NEO1: variants seen among roughly 807,000 people sequenced by gnomAD.
NEO1 encodes neogenin 1.
A neutral mutation model predicts 159.7 loss-of-function variants in NEO1; 63 were observed. That is an observed-to-expected ratio of 0.39 (90% CI 0.32 to 0.49). The LOEUF (loss-of-function observed/expected upper bound fraction) is 0.49. Among genes scored for constraint, NEO1 ranks in the 20% least tolerant of loss-of-function variants. The probability of loss-of-function intolerance (pLI) is 0.85; values close to 1 mark genes in which losing one functional copy is unlikely to be tolerated. For synonymous variants in NEO1, 633 were observed against 662.0 expected (o/e 0.96, Z 0.67); for missense variants, 1,615 against 1,831.0 (o/e 0.88, Z 2.15).
rs1464609341 is a variant in NEO1, at chr15:73,208,098, A to G, written c.1292-28249A>G. Among the ~76,000 whole-genome samples, 4 of 152,370 alleles carry G rather than the reference A, an allele frequency of 2.6e-5. No homozygotes were observed. In the East Asian group the frequency reaches 7.7e-4, roughly 29 times the overall value. On this transcript the variant is annotated intron_variant, in intron 7 of 28. Transcript: ENST00000261908. ...TAAATAAAATGGATTACAATATGGA[A>G]GGTGATTCCCAAATTAAAAGTAGGC...
Position 73,106,734 on chromosome 15 carries a change from C to T in NEO1, c.131-9806C>T, listed in dbSNP as rs116468291. On this transcript the variant is annotated intron_variant, in intron 1 of 28. Coordinates refer to ENST00000261908, the MANE Select transcript of NEO1 (RefSeq NM_002499.4). ...TCATTCTCTTTGTGGTGTAGTTTTC[C>T]CATTGTAAAATGGGGATAATAATAG... Among the ~76,000 whole-genome samples, 791 of 152,140 alleles carry T rather than the reference C, an allele frequency of 5.2e-3. 10 individuals are homozygous for T. Among genetic ancestry groups the T allele is most frequent in the African/African-American group, 0.018 (762 of 41,480 alleles).
chr15:73,176,525 A>G lies in NEO1; in HGVS notation c.1138A>G (p.Met380Val). ...TGTGAAGTGGGTCAAAAATGGGGATATGGTTATCCCAAGTGATTATTTTAA... is the reference window on the plus strand; with the variant it reads ...TGTGAAGTGGGTCAAAAATGGGGATGTGGTTATCCCAAGTGATTATTTTAA... Reference protein sequence around the residue: ...PTVKWVKNGDMVIPSDYFKIV... With the variant: ...PTVKWVKNGDVVIPSDYFKIV... The change falls in exon 6 of 29, where the codon ATG becomes GTG. Residue 380 changes from methionine to valine, a missense_variant. This residue lies in a region of NEO1 where 1,018 missense variants were observed against 1,115.4 expected (regional missense o/e 0.91). Transcript: ENST00000261908. The G allele has an allele frequency of 6.2e-7, 1 of 1,611,602 alleles. No individual in the cohort carries two copies. Among genetic ancestry groups the G allele is most frequent in the Non-Finnish European group, 8.5e-7 (1 of 1,178,858 alleles).
rs536721806 is a variant in NEO1, at chr15:73,175,600, A to G, written c.1016-803A>G. 2.0e-3 allele frequency among the ~76,000 whole-genome samples: 303 copies of G among 152,296 alleles called. 2 individuals are homozygous for G. Among genetic ancestry groups the G allele is most frequent in the Non-Finnish European group, 4.1e-3 (276 of 68,030 alleles). On this transcript the variant is annotated intron_variant, in intron 5 of 28. Coordinates refer to ENST00000261908, the MANE Select transcript of NEO1 (RefSeq NM_002499.4). ...TCGTTGCCATTGTTGTTGTTATTTCATAGAACTAGCCTGCAGTGGAGCTTG... is the reference window on the plus strand; with the variant it reads ...TCGTTGCCATTGTTGTTGTTATTTCGTAGAACTAGCCTGCAGTGGAGCTTG...
intron 7 of NEO1, among the ~76,000 whole-genome samples, chr15:73,215,723 G>A (rs2037839144): frequency 6.6e-6 from 1 of 152,140 alleles, no homozygotes; most frequent in Admixed American, 6.5e-5. Flanking sequence ...TGCTAATCAA[G>A]GATATTGGTC....
chr15:73,134,593 C>A lies in NEO1; in HGVS notation c.879-1298C>A, dbSNP rs558539444. Among the ~76,000 whole-genome samples the A allele has an allele frequency of 2.6e-5, 4 of 151,594 alleles. No individual in the cohort carries two copies. The East Asian group carries it at 7.8e-4, about 29-fold the overall frequency. On this transcript the variant is annotated intron_variant, in intron 4 of 28. Coordinates refer to ENST00000261908, the MANE Select transcript of NEO1 (RefSeq NM_002499.4). ...TGAGATGGAGTCTTGCTCTGTTGCC[C>A]AAGCTGGAGTGCAATGGCGTGATCT...
chr15:73,071,659 TG>T (rs1423755376), intron 1 of NEO1, among the ~76,000 whole-genome samples: 1 of 152,022 alleles, frequency 6.6e-6, no homozygotes, highest in Non-Finnish European at 1.5e-5. Flanking sequence ...TCTCAATGGC[TG>T]GGACTACCAT....
chr15:73,291,137 T>C (rs1349821238), intron 25 of NEO1, among the ~76,000 whole-genome samples: 1 of 152,088 alleles, frequency 6.6e-6, no homozygotes, highest in East Asian at 1.9e-4. Flanking sequence ...GGTTCCCAGG[T>C]TTAAAGATAC....
chr15:73,245,405 A>G (rs988140491), intron 9 of NEO1, among the ~76,000 whole-genome samples: 1 of 152,150 alleles, frequency 6.6e-6, no homozygotes, highest in Non-Finnish European at 1.5e-5. Context: ...GTGAGTGTCA[A>G]TCAGGTTTAT....
At chr15:73,128,129 C>G (rs2030549215) in intron 4 of NEO1, among the ~76,000 whole-genome samples, 1 of 152,148 alleles carries the variant, frequency 6.6e-6, no homozygotes, top group South Asian at 2.1e-4. Context: ...TGATTTCTTT[C>G]TCATCATCCA....
At chr15:73,067,551 G>C (rs924211754) in intron 1 of NEO1, among the ~76,000 whole-genome samples, 26 of 150,902 alleles carry the variant, frequency 1.7e-4, no homozygotes, top group Admixed American at 3.3e-4. Flanking sequence ...CCGGGTTCAC[G>C]CCTTTCTCCT....
At chr15:73,229,951 G>GT (rs1166840197) in intron 7 of NEO1, among the ~76,000 whole-genome samples, 6 of 152,086 alleles carry the variant, frequency 3.9e-5, no homozygotes, top group Non-Finnish European at 8.8e-5. Flanking sequence ...TTGGTAAGGA[G>GT]TTTTATACTA....
intron 7 of NEO1, among the ~76,000 whole-genome samples, chr15:73,188,937 TAAAA>T (rs562385868): frequency 1.4e-5 from 2 of 144,902 alleles, no homozygotes; most frequent in Non-Finnish European, 3.0e-5. Flanking sequence ...CACAAAAAGT[TAAAA>T]AAAAAAAATT....
At chr15:73,117,768 A>G (rs2071408914) in intron 2 of NEO1, among the ~76,000 whole-genome samples, 1 of 152,128 alleles carries the variant, frequency 6.6e-6, no homozygotes, top group Non-Finnish European at 1.5e-5. Flanking sequence ...GGGTGTGACA[A>G]AGTTTCTGTA....
At chr15:73,244,215 A>G (rs1362415493) in intron 8 of NEO1, 129 bp from the exon 9 acceptor site, 1 of 1,054,598 alleles carries the variant, frequency 9.5e-7, no homozygotes, top group East Asian at 2.7e-5. Flanking sequence ...TCCTACCCCC[A>G]AAAGCTTCAT....
intron 4 of NEO1, among the ~76,000 whole-genome samples, chr15:73,132,665 G>A (rs1290364064): frequency 2.6e-5 from 4 of 152,120 alleles, no homozygotes; most frequent in Non-Finnish European, 5.9e-5. Flanking sequence ...CCAGAAGCTA[G>A]AAGGAACTCA....
intron 5 of NEO1, among the ~76,000 whole-genome samples, chr15:73,171,443 A>G (rs772299345): frequency 6.6e-6 from 1 of 151,826 alleles, no homozygotes; most frequent in Non-Finnish European, 1.5e-5. Context: ...GCGTTCCTGT[A>G]GTCTCAGCTA....
intron 1 of NEO1, among the ~76,000 whole-genome samples, chr15:73,053,556 A>G (rs1222919425): frequency 1.3e-5 from 2 of 152,218 alleles, no homozygotes; most frequent in Admixed American, 6.5e-5. Context: ...TACTTGTACA[A>G]TGTTTTCAGA....
At chr15:73,268,417 A>T (rs1030461044) in intron 16 of NEO1, among the ~76,000 whole-genome samples, 2 of 152,208 alleles carry the variant, frequency 1.3e-5, no homozygotes, top group African/African-American at 4.8e-5. Context: ...AAGAAAAAAA[A>T]TTTCTACAAG....
intron 7 of NEO1, among the ~76,000 whole-genome samples, chr15:73,185,930 T>A (rs2035894843): frequency 6.6e-6 from 1 of 151,894 alleles, no homozygotes; most frequent in Non-Finnish European, 1.5e-5. Flanking sequence ...CCAAGAATTT[T>A]AAAAAATGAA....
Sources: allele counts gnomAD v4.1 joint callset (sites outside exome capture counted in the v4.1 genomes callset), GRCh38; gene constraint gnomAD v4.1.1; regional missense constraint gnomAD v4.1.1; transcripts MANE v1.5; gene names NCBI Gene and HGNC (gene_info 2026-07-23, HGNC 2026-07-21).